Variants in GRM3 observed in about 807,000 individuals in gnomAD.
GRM3 encodes metabotropic glutamate receptor 3.
Under a neutral mutation model 70.5 loss-of-function variants are expected in GRM3, and 26 were observed. That is an observed-to-expected ratio of 0.37 (90% CI 0.27 to 0.51). The LOEUF (loss-of-function observed/expected upper bound fraction) is 0.51, where lower values mean the gene tolerates loss of function less well. GRM3 is among the 20% of genes least tolerant of loss of function. GRM3 has a pLI of 0.93. For synonymous variants in GRM3, 443 were observed against 434.9 expected (o/e 1.02, Z -0.23); for missense variants, 859 against 1,123.8 (o/e 0.76, Z 3.37).
At chr7:86,663,847 G>A (rs1653205961) in intron 1 of GRM3, among the ~76,000 whole-genome samples, 1 of 133,650 alleles carries the variant, frequency 7.5e-6, no homozygotes, top group Admixed American at 8.7e-5. Context: ...ATAATGTTGT[G>A]AGAACATAAA....
chr7:86,828,665 T>C (rs1334595510), intron 3 of GRM3, among the ~76,000 whole-genome samples: 1 of 152,254 alleles, frequency 6.6e-6, no homozygotes, highest in African/African-American at 2.4e-5. Context: ...TTTTTGCTGA[T>C]TGACGGTCTT....
At chr7:86,771,176 G>T (rs1796730097) in intron 2 of GRM3, among the ~76,000 whole-genome samples, 1 of 152,068 alleles carries the variant, frequency 6.6e-6, no homozygotes, top group Non-Finnish European at 1.5e-5. Flanking sequence ...AAGTTGGCCT[G>T]TTACTGAGGA....
chr7:86,686,631 AC>A (rs1433454123), intron 1 of GRM3, among the ~76,000 whole-genome samples: 4 of 152,204 alleles, frequency 2.6e-5, no homozygotes, highest in Admixed American at 6.5e-5. Context: ...ACTAAAAGCA[AC>A]CAACTAAAAG....
chr7:86,704,561 T>G (rs1795015999), intron 1 of GRM3, among the ~76,000 whole-genome samples: 1 of 151,896 alleles, frequency 6.6e-6, no homozygotes, highest in South Asian at 2.1e-4. Context: ...ATTTAGTAGT[T>G]TGCAATACAC....
At chr7:86,712,579 T>C (rs1795223481) in intron 1 of GRM3, among the ~76,000 whole-genome samples, 1 of 151,960 alleles carries the variant, frequency 6.6e-6, no homozygotes, top group Non-Finnish European at 1.5e-5. Flanking sequence ...GAACACTAGG[T>C]CGTATTTCTT....
intron 2 of GRM3, among the ~76,000 whole-genome samples, chr7:86,769,255 T>A (rs542229272): frequency 6.8e-4 from 104 of 152,212 alleles, no homozygotes; most frequent in South Asian, 4.8e-3. Flanking sequence ...TACTGGAAAT[T>A]GTCTTTTCTT....
At chr7:86,831,702 T>A (rs1415951877) in intron 3 of GRM3, among the ~76,000 whole-genome samples, 1 of 139,360 alleles carries the variant, frequency 7.2e-6, no homozygotes, top group African/African-American at 2.7e-5. Flanking sequence ...AGAATCTAGA[T>A]AGAAAAACCA....
At chr7:86,761,573 T>G (rs542230885) in intron 1 of GRM3, among the ~76,000 whole-genome samples, 1 of 152,290 alleles carries the variant, frequency 6.6e-6, no homozygotes, top group African/African-American at 2.4e-5. Context: ...TAAAGGGTCA[T>G]GTGCAAACAT....
chr7:86,749,933 C>T (rs74524650), intron 1 of GRM3, among the ~76,000 whole-genome samples: 3,265 of 152,030 alleles, frequency 0.021, 104 homozygotes, highest in African/African-American at 0.072. Flanking sequence ...CTGAGGAGTC[C>T]TGAGCAAGTA....
intron 1 of GRM3, among the ~76,000 whole-genome samples, chr7:86,693,166 ACT>A (rs1183696771): frequency 5.3e-5 from 8 of 152,246 alleles, no homozygotes; most frequent in African/African-American, 1.9e-4. Context: ...TCTATGTGAG[ACT>A]CTATACCAGG....
intron 1 of GRM3, among the ~76,000 whole-genome samples, chr7:86,744,877 C>A (rs978342525): frequency 6.6e-6 from 1 of 152,028 alleles, no homozygotes. Flanking sequence ...AAGGCACCAT[C>A]AGAAGCAGAC....
At chr7:86,766,687 TTTAAG>T (rs1388245949) in intron 2 of GRM3, among the ~76,000 whole-genome samples, 1 of 152,166 alleles carries the variant, frequency 6.6e-6, no homozygotes, top group African/African-American at 2.4e-5. Context: ...TATATGTTAC[TTTAAG>T]TTTAGTATTT....
intron 1 of GRM3, among the ~76,000 whole-genome samples, chr7:86,673,515 T>C (rs1562821196): frequency 6.6e-6 from 1 of 152,160 alleles, no homozygotes; most frequent in Non-Finnish European, 1.5e-5. Flanking sequence ...TTCCTTCATA[T>C]CTTCCTGCAA....
chr7:86,757,482 A>G (rs939460623), intron 1 of GRM3, among the ~76,000 whole-genome samples: 1 of 152,172 alleles, frequency 6.6e-6, no homozygotes, highest in Non-Finnish European at 1.5e-5. Context: ...TTTTAATAAA[A>G]AGCACAAAGT....
At chr7:86,710,216 T>G (rs940624280) in intron 1 of GRM3, 1 of 152,052 alleles carries the variant, frequency 6.6e-6, no homozygotes, top group East Asian at 1.9e-4. Context: ...GTAAGTAATA[T>G]AGTCCACTTA....
At chr7:86,676,435 GA>G (rs1433270654) in intron 1 of GRM3, among the ~76,000 whole-genome samples, 2 of 81,472 alleles carry the variant, frequency 2.5e-5, no homozygotes, top group African/African-American at 9.0e-5. Context: ...AAAGCAGCAG[GA>G]TAATGGGGAC....
intron 5 of GRM3, among the ~76,000 whole-genome samples, chr7:86,862,363 T>A (rs889275851): frequency 6.6e-6 from 1 of 152,144 alleles, no homozygotes; most frequent in East Asian, 1.9e-4. Flanking sequence ...GTACAATATA[T>A]GGAAATAATT....
intron 1 of GRM3, among the ~76,000 whole-genome samples, chr7:86,651,183 C>A (rs999238678): frequency 3.9e-5 from 6 of 152,150 alleles, no homozygotes; most frequent in African/African-American, 1.2e-4. Flanking sequence ...ATTGCATGAG[C>A]TTATACTTCT....
At chr7:86,789,706 C>T (rs1239020513) in intron 3 of GRM3, among the ~76,000 whole-genome samples, 2 of 152,144 alleles carry the variant, frequency 1.3e-5, no homozygotes, top group Non-Finnish European at 2.9e-5. Context: ...ACATTTACTC[C>T]AAGATTCTTC....
Sources: gnomAD v4.1 joint callset for allele counts (sites outside exome capture counted in the v4.1 genomes callset) on GRCh38, gnomAD v4.1.1 for gene constraint, MANE v1.5 for transcripts, NCBI Gene and HGNC (gene_info 2026-07-23, HGNC 2026-07-21) for gene names.